The following PDE1C variants were observed in gnomAD, a reference collection of about 807,000 sequenced individuals.
The protein encoded by PDE1C is phosphodiesterase 1C.
Under a neutral mutation model 93.1 loss-of-function variants are expected in PDE1C, and 62 were observed. That is an observed-to-expected ratio of 0.67 (90% confidence interval 0.54 to 0.82). PDE1C has a LOEUF of 0.82. Ranked by LOEUF, PDE1C falls within the 40% of genes least tolerant of loss-of-function variation. The pLI, the probability that PDE1C is intolerant of heterozygous loss-of-function variation, is 0.00. For synonymous variants in PDE1C, 325 were observed against 310.1 expected (o/e 1.05, Z -0.50); for missense variants, 742 against 884.6 (o/e 0.84, Z 2.04).
chr7:32,383,998 C>T (rs894233719), intron 1 of PDE1C, among the ~76,000 whole-genome samples: 1 of 152,158 alleles, frequency 6.6e-6, no homozygotes, highest in African/African-American at 2.4e-5. Context: ...ACAATCAGAT[C>T]AAAGGAAGTA....
intron 2 of PDE1C, among the ~76,000 whole-genome samples, chr7:32,185,772 A>G (rs1803809560): frequency 1.3e-5 from 2 of 152,342 alleles, no homozygotes; most frequent in African/African-American, 4.8e-5. Flanking sequence ...TAAATTTGGA[A>G]TAACTAAAAT....
At chr7:31,669,526 G>T in the PDE1C span, among the ~76,000 whole-genome samples, 1 of 152,086 alleles carries the variant, frequency 6.6e-6, no homozygotes, top group African/African-American at 2.4e-5. Context: ...GCCACTTTTT[G>T]TGTCTCTGAC....
At chr7:32,236,116 C>T (rs1046045404) in intron 1 of PDE1C, among the ~76,000 whole-genome samples, 7 of 151,978 alleles carry the variant, frequency 4.6e-5, no homozygotes, top group Non-Finnish European at 1.0e-4. Context: ...AGACCTAGAC[C>T]TCATACATTA....
intron 9 of PDE1C, among the ~76,000 whole-genome samples, chr7:31,839,417 GAC>G (rs145936818): frequency 0.11 from 14,966 of 139,230 alleles, 830 homozygotes; most frequent in South Asian, 0.19. Context: ...TATATACATA[GAC>G]ACACACACAC....
chr7:31,673,223 A>C, the PDE1C span, among the ~76,000 whole-genome samples: 1 of 152,206 alleles, frequency 6.6e-6, no homozygotes, highest in African/African-American at 2.4e-5. Flanking sequence ...AGGCTGACTA[A>C]CTACAAGGAG....
chr7:31,996,345 G>C (rs1784728109), intron 2 of PDE1C, among the ~76,000 whole-genome samples: 1 of 150,304 alleles, frequency 6.7e-6, no homozygotes, highest in African/African-American at 2.4e-5. Flanking sequence ...CACCCACAAT[G>C]ATCTTCAAAA....
rs75647459 is a variant in PDE1C, at chr7:32,340,814, A to T, written c.310+87008T>A. 7.8e-3 allele frequency among the ~76,000 whole-genome samples: 1,190 copies of T among 152,324 alleles called. 18 individuals are homozygous for T. Among genetic ancestry groups the T allele is most frequent in the African/African-American group, 0.027 (1,135 of 41,576 alleles). On this transcript the variant is annotated intron_variant, in intron 1 of 1. Coordinates refer to the PDE1C transcript ENST00000672256. ...AAAATACAATGGAGATAGTAAAAAGATGAGTGGTTAGTAAGGGTTGGGGTG... is the reference window on the plus strand; with the variant it reads ...AAAATACAATGGAGATAGTAAAAAGTTGAGTGGTTAGTAAGGGTTGGGGTG...
intron 1 of PDE1C, among the ~76,000 whole-genome samples, chr7:32,230,068 C>T (rs1018641112): frequency 1.4e-4 from 21 of 152,166 alleles, no homozygotes; most frequent in Admixed American, 1.4e-3. Flanking sequence ...AAGAACATTC[C>T]TCTGTAGGCC....
intron 3 of PDE1C, among the ~76,000 whole-genome samples, chr7:32,103,751 C>A (rs1323091314): frequency 4.0e-5 from 6 of 151,850 alleles, no homozygotes; most frequent in African/African-American, 1.2e-4. Flanking sequence ...CAAAAAGGAA[C>A]CTGGAAGAAA....
At chr7:31,731,437 C>T in the PDE1C span, among the ~76,000 whole-genome samples, 1 of 152,116 alleles carries the variant, frequency 6.6e-6, no homozygotes, top group Non-Finnish European at 1.5e-5. Flanking sequence ...GTCACCCAGG[C>T]TGGAGTGCAG....
chr7:32,065,295 C>G (rs1411656132), intron 1 of PDE1C, among the ~76,000 whole-genome samples: 1 of 152,138 alleles, frequency 6.6e-6, no homozygotes, highest in Non-Finnish European at 1.5e-5. Flanking sequence ...TTGGGCTGCC[C>G]GGAAGACTCC....
intron 3 of PDE1C, among the ~76,000 whole-genome samples, chr7:32,086,385 T>C (rs906096487): frequency 1.4e-4 from 21 of 152,274 alleles, no homozygotes; most frequent in Admixed American, 1.0e-3. Context: ...ACATTCCATG[T>C]TCATGGGTAG....
Position 31,880,792 on chromosome 7 carries a change from T to C in PDE1C, c.197A>G (p.Glu66Gly), listed in dbSNP as rs1797144508. Residue 66 changes from glutamate (E) to glycine (G), a missense_variant, in exon 3 of 18, where the codon GAA becomes GGA. Physicochemically the swap from Glu to Gly is moderately conservative, Grantham distance 98 (BLOSUM62 -2). Coordinates refer to ENST00000396191, the MANE Select transcript of PDE1C (RefSeq NM_001191057.4). ...ASVVDLKKNL[E>G]YAATVLESVY... ...AGATTCAAGCACTGTGGCTGCATAT[T>C]CCAAATTCTTCTTAAGATCTACCAC... 6.2e-7 allele frequency: 1 copy of C among 1,612,040 alleles called. No homozygotes were observed. Among genetic ancestry groups the C allele is most frequent in the Non-Finnish European group, 8.5e-7 (1 of 1,178,264 alleles).
intron 3 of PDE1C, among the ~76,000 whole-genome samples, chr7:32,135,379 G>C (rs1244934279): frequency 6.6e-6 from 1 of 151,932 alleles, no homozygotes; most frequent in Non-Finnish European, 1.5e-5. Flanking sequence ...ATCTGATAAG[G>C]GGTTAATATA....
intron 2 of PDE1C, among the ~76,000 whole-genome samples, chr7:31,940,602 AG>A (rs1391947830): frequency 6.6e-6 from 1 of 152,174 alleles, no homozygotes; most frequent in East Asian, 1.9e-4. Flanking sequence ...CAGAACCCAT[AG>A]GGATGGGTGC....
In PDE1C at chr7:31,816,233, A is replaced by G. The variant is rs143881132; in HGVS notation, c.1583-79T>C. ...CGTTAGGAGAATGGCCTGTTTTAGT[A>G]CACAAAGAGTATCTAAGGTGTTTAC... On this transcript the variant is annotated intron_variant, in intron 14 of 17. Coordinates refer to ENST00000396191, the MANE Select transcript of PDE1C (RefSeq NM_001191057.4). The G allele has an allele frequency of 1.7e-4, 224 of 1,299,142 alleles. No homozygotes were observed. In the East Asian group the frequency reaches 5.0e-3, roughly 29 times the overall value. The allele number at this position is 1,299,142 out of a possible 1,614,324, so 80.5% of individuals were successfully genotyped here. A position where few individuals can be genotyped will look rare whatever the true frequency, so the allele number is the denominator to read the frequency against.
the PDE1C span, among the ~76,000 whole-genome samples, chr7:31,685,591 G>A: frequency 6.6e-6 from 1 of 152,188 alleles, no homozygotes; most frequent in Non-Finnish European, 1.5e-5. Context: ...TTGTTAAGAA[G>A]ATAAAGTAAG....
chr7:31,971,282 G>A (rs1810920984), intron 2 of PDE1C, among the ~76,000 whole-genome samples: 1 of 152,082 alleles, frequency 6.6e-6, no homozygotes, highest in Non-Finnish European at 1.5e-5. Context: ...TTCTGTGGTA[G>A]GTATATTACC....
At chr7:31,671,777 T>A in the PDE1C span, among the ~76,000 whole-genome samples, 1 of 152,152 alleles carries the variant, frequency 6.6e-6, no homozygotes, top group Non-Finnish European at 1.5e-5. Flanking sequence ...AAGCAACCTA[T>A]AAATTCCCTG....
Sources: gnomAD v4.1 joint callset for allele counts (sites outside exome capture counted in the v4.1 genomes callset) on GRCh38, gnomAD v4.1.1 for gene constraint, MANE v1.5 for transcripts, NCBI Gene and HGNC (gene_info 2026-07-23, HGNC 2026-07-21) for gene names.